Variants in MTNR1A observed in about 807,000 individuals in gnomAD.
MTNR1A encodes melatonin receptor type 1A.
In MTNR1A, 7 loss-of-function variants were observed where a neutral mutation model predicts 5.5. That is an observed-to-expected ratio of 1.28 (90% CI 0.73 to 2.40). MTNR1A has a LOEUF of 2.40. Ranked by LOEUF, MTNR1A falls within the 30% of genes most tolerant of loss-of-function variation. The pLI is 0.00. For synonymous variants in MTNR1A, 196 were observed against 202.7 expected (o/e 0.97, Z 0.28); for missense variants, 441 against 464.4 (o/e 0.95, Z 0.46).
chr4:186,549,871 T>C (rs950392820), intron 1 of MTNR1A, among the ~76,000 whole-genome samples: 24 of 152,142 alleles, frequency 1.6e-4, no homozygotes, highest in African/African-American at 5.3e-4. Context: ...AATGTTCAGC[T>C]CAATAAGCAC....
intron 1 of MTNR1A, among the ~76,000 whole-genome samples, chr4:186,546,663 A>C (rs1371560182): frequency 4.1e-5 from 6 of 146,290 alleles, no homozygotes; most frequent in African/African-American, 1.6e-4. Flanking sequence ...TGCCACCCAC[A>C]TCACACCCTG....
intron 1 of MTNR1A, among the ~76,000 whole-genome samples, chr4:186,547,706 CTTTCTATTATACACGGTATTGT>C (rs1737185777): frequency 6.6e-6 from 1 of 152,172 alleles, no homozygotes; most frequent in Non-Finnish European, 1.5e-5. Flanking sequence ...CTTGGCACTG[CTTTCTATTATACACGGTATTGT>C]ACACTGTACA....
chr4:186,534,069 G>C lies in MTNR1A; in HGVS notation c.673C>G (p.Arg225Gly), dbSNP rs770581983. The change falls in exon 2 of 2, where the codon CGC becomes GGC. Residue 225 changes from arginine (R) to glycine (G), a missense_variant. By Grantham distance (125) the Arg-to-Gly change is moderately radical (BLOSUM62 -2). Transcript: ENST00000307161. ...TCCTGTGGTTTCAGTTTGGGTTTGC[G>C]GTCAGGTTTCACCCTCTGTCTGACC... ...LQVRQRVKPD[R>G]KPKLKPQDFR... 4.3e-6 allele frequency: 7 copies of C among 1,614,048 alleles called. No homozygotes were observed. The highest frequency in any genetic ancestry group is 5.9e-6 in the Non-Finnish European group (7 of 1,180,018).
chr4:186,541,772 C>A (rs555863983), intron 1 of MTNR1A, among the ~76,000 whole-genome samples: 2 of 152,252 alleles, frequency 1.3e-5, no homozygotes, highest in Non-Finnish European at 2.9e-5. Context: ...AGTTTCATCC[C>A]GAAACCATTC....
intron 1 of MTNR1A, among the ~76,000 whole-genome samples, chr4:186,546,573 C>T (rs376879013): frequency 1.3e-5 from 2 of 151,904 alleles, no homozygotes; most frequent in Admixed American, 6.6e-5. Flanking sequence ...CTGTCCACAC[C>T]ACACCCTGTT....
chr4:186,546,591 C>T (rs1001805431), intron 1 of MTNR1A, among the ~76,000 whole-genome samples: 8 of 151,872 alleles, frequency 5.3e-5, no homozygotes, highest in Non-Finnish European at 1.0e-4. Context: ...GTTCATGAGA[C>T]ACGCTGCTCA....
intron 1 of MTNR1A, among the ~76,000 whole-genome samples, chr4:186,544,109 C>G (rs1385387066): frequency 6.6e-6 from 1 of 152,282 alleles, no homozygotes; most frequent in African/African-American, 2.4e-5. Context: ...TCCCCCACCC[C>G]CACTGGGTTC....
intron 1 of MTNR1A, among the ~76,000 whole-genome samples, chr4:186,551,024 T>C (rs144942950): frequency 2.9e-4 from 44 of 152,342 alleles, no homozygotes; most frequent in African/African-American, 9.4e-4. Context: ...TCAAATATTG[T>C]GGAAAGCAAC....
At chr4:186,544,632 G>A (rs1003924396) in intron 1 of MTNR1A, among the ~76,000 whole-genome samples, 10 of 152,172 alleles carry the variant, frequency 6.6e-5, no homozygotes, top group Middle Eastern at 6.3e-3. Context: ...TCTGAAAAAC[G>A]TCTGTTTCTA....
chr4:186,548,172 G>A (rs991296646), intron 1 of MTNR1A, among the ~76,000 whole-genome samples: 3 of 151,782 alleles, frequency 2.0e-5, no homozygotes, highest in African/African-American at 4.8e-5. Context: ...GCACTTTTCC[G>A]AACCTTGAAG....
At chr4:186,539,697 C>G (rs1736963310) in intron 1 of MTNR1A, among the ~76,000 whole-genome samples, 2 of 152,220 alleles carry the variant, frequency 1.3e-5, no homozygotes, top group South Asian at 4.1e-4. Flanking sequence ...GCAGCCCTCA[C>G]CAGACTCCAA....
chr4:186,544,081 T>A (rs1737084766), intron 1 of MTNR1A, among the ~76,000 whole-genome samples: 1 of 152,170 alleles, frequency 6.6e-6, no homozygotes, highest in Admixed American at 6.5e-5. Context: ...TTATCTTGGC[T>A]CCCTGCAACC....
At chr4:186,550,856 G>A (rs979997683) in intron 1 of MTNR1A, among the ~76,000 whole-genome samples, 5 of 152,250 alleles carry the variant, frequency 3.3e-5, no homozygotes, top group East Asian at 3.9e-4. Context: ...GGGATTCTGG[G>A]AATTACTTTG....
rs528856133 is a variant in MTNR1A, at chr4:186,536,273, G to T, written c.185-1716C>A. Among the ~76,000 whole-genome samples, 9 of 151,892 alleles carry T rather than the reference G, an allele frequency of 5.9e-5. No individual in the cohort carries two copies. The East Asian group carries it at 1.7e-3, about 29-fold the overall frequency. On this transcript the variant is annotated intron_variant, in intron 1 of 1. Transcript: ENST00000307161. The stretch of plus-strand genomic sequence containing the variant: ...AGCCAGGAGAATTGCTTGAACCTGG[G>T]AGGCAGAGGTTGCAGTGAGCAGAGA...
At chr4:186,553,922 C>G (rs1737314444) in intron 1 of MTNR1A, among the ~76,000 whole-genome samples, 1 of 152,208 alleles carries the variant, frequency 6.6e-6, no homozygotes, top group Non-Finnish European at 1.5e-5. Context: ...TTCAACCGGG[C>G]TCACACCTAC....
At chr4:186,553,106 G>T (rs993724718) in intron 1 of MTNR1A, among the ~76,000 whole-genome samples, 1 of 152,178 alleles carries the variant, frequency 6.6e-6, no homozygotes, top group Non-Finnish European at 1.5e-5. Context: ...CCTTCACATT[G>T]TCATTTCTTC....
At chr4:186,540,634 T>C (rs898132013) in intron 1 of MTNR1A, among the ~76,000 whole-genome samples, 6 of 152,160 alleles carry the variant, frequency 3.9e-5, no homozygotes, top group Non-Finnish European at 8.8e-5. Context: ...GCTGTCTATC[T>C]GAAGGACCAG....
rs771319352 is a variant in MTNR1A, at chr4:186,534,604, G to T, written c.185-47C>A. 32 of 1,592,426 alleles carry T rather than the reference G, an allele frequency of 2.0e-5. No individual in the cohort carries two copies. In the African/African-American group the frequency reaches 2.9e-4, roughly 15 times the overall value. ...AATACAGTGAATACCAGTTCACAGT[G>T]GGTTTTCTGTTACAATTGTTAAAGA... is the stretch of plus-strand genomic sequence containing the variant. On this transcript the variant is annotated intron_variant, in intron 1 of 1. Coordinates refer to ENST00000307161, the MANE Select transcript of MTNR1A (RefSeq NM_005958.4).
At position 186,555,294 on chromosome 4, in the gene MTNR1A, C is replaced by G; in HGVS notation, c.72G>C (p.Ser24=). 2 of 1,548,678 alleles carry G rather than the reference C, an allele frequency of 1.3e-6. No individual in the cohort carries two copies. The highest frequency in any genetic ancestry group is 1.7e-6 in the Non-Finnish European group (2 of 1,146,844). ...PVLRGDGARP[S]WLASALACVL... ...CGCAGGCCAGGGCGGACGCCAGCCA[C>G]GAGGGCCGCGCGCCGTCCCCGCGGA... Residue 24 remains serine, a synonymous_variant, in exon 1 of 2, where the codon TCG becomes TCC. Coordinates refer to ENST00000307161, the MANE Select transcript of MTNR1A (RefSeq NM_005958.4). The surrounding 1 kb of genome is among the most constrained non-coding windows in gnomAD (Gnocchi z 4.1).
Sources: gnomAD v4.1 joint callset for allele counts (sites outside exome capture counted in the v4.1 genomes callset) on GRCh38, gnomAD v4.1.1 for gene constraint, Gnocchi (gnomAD v3.1) non-coding constraint, MANE v1.5 for transcripts, NCBI Gene and HGNC (gene_info 2026-07-23, HGNC 2026-07-21) for gene names.